Variants in PCDHGA7 observed in about 807,000 individuals in gnomAD.
The protein encoded by PCDHGA7 is protocadherin gamma subfamily A, 7.
PCDHGA7 carries 44 observed loss-of-function variants against 58.3 expected under a neutral mutation model. The ratio of observed to expected loss-of-function variants is 0.75; its 90% CI spans 0.59 to 0.97. The LOEUF is 0.97. PCDHGA7 is among the 50% of genes least tolerant of loss of function. The pLI is 0.00. For missense variants in PCDHGA7, 1,266 were observed against 1,188.7 expected (o/e 1.06, Z -0.96); for synonymous variants, 516 against 504.2 (o/e 1.02, Z -0.31).
At chr5:141,399,833 C>A in intron 1 of PCDHGA7, 1 of 1,613,140 alleles carries the variant, frequency 6.2e-7, no homozygotes, top group Non-Finnish European at 8.5e-7. Context: ...GACGGCTCTG[C>A]GCTCTTCGAT....
rs1411664231 is a variant in PCDHGA7 at position 141,390,362 on chromosome 5, GA to G, written c.2424+5043del. 3.9e-6 allele frequency: 6 copies of G among 1,532,890 alleles called. No individual in the cohort carries two copies. In the African/African-American group the frequency reaches 8.3e-5, roughly 21 times the overall value. 95.0% of individuals were successfully genotyped at this position (1,532,890 alleles called of 1,614,324 possible). ...CACAAGAAAATATACATATTTGCAG[GA>G]AAATATATAATTTTTAGATGTCATG... On this transcript the variant is annotated intron_variant, in intron 1 of 3. Coordinates refer to ENST00000518325, the MANE Select transcript of PCDHGA7 (RefSeq NM_018920.4).
In PCDHGA7 at chr5:141,387,802, G is replaced by A. The variant is rs916959942; in HGVS notation, c.2424+2479G>A. 2.0e-6 allele frequency: 3 copies of A among 1,511,984 alleles called. No homozygotes were observed. The Admixed American group carries it at 7.0e-5, about 35-fold the overall frequency. 93.7% of individuals were successfully genotyped at this position (1,511,984 alleles called of 1,614,324 possible). On this transcript the variant is annotated intron_variant, in intron 1 of 3. Coordinates refer to ENST00000518325, the MANE Select transcript of PCDHGA7 (RefSeq NM_018920.4). ...CTGGAACTGCAACTAAAGTCCGTTC[G>A]GAGATCCAAAAATCTGCAATACAGA...
At position 141,416,345 on chromosome 5, in the gene PCDHGA7, A is replaced by T. The variant is rs542527661; in HGVS notation, c.2424+31022A>T. ...ATTTAACTTTCATTGCTCAATAGGG[A>T]TCCTGAGGAGGCTATAGAGGGTGAA... On this transcript the variant is annotated intron_variant, in intron 1 of 3. Transcript: ENST00000518325. The T allele has an allele frequency of 4.6e-5, 7 of 152,330 alleles. No homozygotes were observed. In the East Asian group the frequency reaches 1.3e-3, roughly 29 times the overall value. The allele number at this position is 152,330 out of a possible 1,614,324, so 9.4% of individuals were successfully genotyped here. A position where few individuals can be genotyped will look rare whatever the true frequency, so the allele number is the denominator to read the frequency against.
chr5:141,444,965 A>C (rs561160996), intron 1 of PCDHGA7, among the ~76,000 whole-genome samples: 18 of 152,234 alleles, frequency 1.2e-4, no homozygotes, highest in South Asian at 6.2e-4. Context: ...CAATATTGAC[A>C]CTTCAAATCC....
intron 1 of PCDHGA7, chr5:141,394,811 C>T (rs1225635250): frequency 6.2e-7 from 1 of 1,613,888 alleles, no homozygotes; most frequent in African/African-American, 1.3e-5. Flanking sequence ...CCGTGGCTGA[C>T]AGCATCCCCG....
In PCDHGA7 at chr5:141,383,896, G is replaced by A; in HGVS notation, c.997G>A (p.Val333Ile). The A allele has an allele frequency of 6.2e-7, 1 of 1,613,960 alleles. No individual in the cohort carries two copies. Among genetic ancestry groups the A allele is most frequent in the Non-Finnish European group, 8.5e-7 (1 of 1,179,884 alleles). Residue 333 changes from valine to isoleucine, a missense_variant, in exon 1 of 4, where the codon GTA becomes ATA. Val to Ile is a conservative substitution (Grantham distance 29). Transcript: ENST00000518325. ...TCCTGGTAGTCTGACAAAGGCAAAA[G>A]TACTGATCACAGTTTTAGATGTAAA... ...DGPGSLTKAK[V>I]LITVLDVNDN...
chr5:141,481,096 T>C (rs1162625304), intron 1 of PCDHGA7, among the ~76,000 whole-genome samples: 2 of 152,150 alleles, frequency 1.3e-5, no homozygotes, highest in East Asian at 1.9e-4. Flanking sequence ...AAAGCAGTAC[T>C]CTGGAACCTA....
intron 1 of PCDHGA7, chr5:141,428,419 CTCTGT>C (rs2097138377): frequency 4.4e-6 from 2 of 451,802 alleles, no homozygotes; most frequent in African/African-American, 2.0e-5. Context: ...TCACCCTGGT[CTCTGT>C]TCTAAGACTA....
chr5:141,420,147 C>T lies in PCDHGA7; in HGVS notation c.2424+34824C>T, dbSNP rs1480828845. On this transcript the variant is annotated intron_variant, in intron 1 of 3. Transcript: ENST00000518325. Reference sequence around the variant, plus strand: ...TGTGTGCCTGGGGATCAAATGAATCCAGAATTTAATTTTTTCACATCTGTT... The same window carrying T: ...TGTGTGCCTGGGGATCAAATGAATCTAGAATTTAATTTTTTCACATCTGTT... The T allele has an allele frequency of 2.5e-6, 4 of 1,613,848 alleles. No individual in the cohort carries two copies. The East Asian group carries it at 8.9e-5, about 36-fold the overall frequency.
At chr5:141,389,172 C>G (rs1276294939) in intron 1 of PCDHGA7, 1 of 1,614,036 alleles carries the variant, frequency 6.2e-7, no homozygotes, top group Non-Finnish European at 8.5e-7. Flanking sequence ...CAAGCCTCCC[C>G]TCTCCTCCAG....
chr5:141,476,317 G>C lies in PCDHGA7; in HGVS notation c.2425-18490G>C, dbSNP rs759809060. The C allele has an allele frequency of 1.2e-6, 2 of 1,614,052 alleles. No homozygotes were observed. The highest frequency in any genetic ancestry group is 2.7e-5 in the African/African-American group (2 of 74,922). ...GTAGCCTCTCAGCCCGCAGGTTCCGGGTGGTGTCTGGAGCTAGCCGAAGAT... is the reference window on the plus strand; with the variant it reads ...GTAGCCTCTCAGCCCGCAGGTTCCGCGTGGTGTCTGGAGCTAGCCGAAGAT... On this transcript the variant is annotated intron_variant, in intron 1 of 3. Coordinates refer to ENST00000518325, the MANE Select transcript of PCDHGA7 (RefSeq NM_018920.4). The surrounding 1 kb of genome is among the most constrained non-coding windows in gnomAD (Gnocchi z 7.6).
chr5:141,417,627 G>C, intron 1 of PCDHGA7: 1 of 694,264 alleles, frequency 1.4e-6, no homozygotes, highest in Non-Finnish European at 2.3e-6. Flanking sequence ...AGCAAGCGCT[G>C]ACGCCGGGGA....
chr5:141,434,509 T>C (rs1480014539), intron 1 of PCDHGA7, among the ~76,000 whole-genome samples: 3 of 152,232 alleles, frequency 2.0e-5, no homozygotes, highest in Non-Finnish European at 4.4e-5. Context: ...AGAAAACTGC[T>C]TAAAGGTGTT....
intron 1 of PCDHGA7, among the ~76,000 whole-genome samples, chr5:141,402,419 A>T: frequency 6.6e-6 from 1 of 152,100 alleles, no homozygotes; most frequent in Middle Eastern, 3.2e-3. Flanking sequence ...ACACAGAAAA[A>T]ATTGAAGCAT....
intron 1 of PCDHGA7, chr5:141,422,231 T>A: frequency 3.2e-6 from 5 of 1,566,292 alleles, no homozygotes; most frequent in Non-Finnish European, 4.3e-6. Context: ...ACGACGATGT[T>A]GATCACTGTT....
rs199952854 is a variant in PCDHGA7 at position 141,477,297 on chromosome 5, G to T, written c.2425-17510G>T. 4 of 1,614,176 alleles carry T rather than the reference G, an allele frequency of 2.5e-6. No individual in the cohort carries two copies. Among genetic ancestry groups the T allele is most frequent in the Non-Finnish European group, 3.4e-6 (4 of 1,180,040 alleles). On this transcript the variant is annotated intron_variant, in intron 1 of 3. Coordinates refer to ENST00000518325, the MANE Select transcript of PCDHGA7 (RefSeq NM_018920.4). The surrounding 1 kb of genome is among the most constrained non-coding windows in gnomAD (Gnocchi z 4.9). ...CTGGTGACCTGCGAAGTTCCACCGGGTCTCCCTTTCAGCCTTACTTCTTCC... is the reference window on the plus strand; with the variant it reads ...CTGGTGACCTGCGAAGTTCCACCGGTTCTCCCTTTCAGCCTTACTTCTTCC...
At chr5:141,386,994 AT>A (rs1291262145) in intron 1 of PCDHGA7, among the ~76,000 whole-genome samples, 1 of 152,224 alleles carries the variant, frequency 6.6e-6, no homozygotes, top group Non-Finnish European at 1.5e-5. Flanking sequence ...GCTATGTATT[AT>A]CCCCCTGATA....
At position 141,384,947 on chromosome 5, in the gene PCDHGA7, G is replaced by A; in HGVS notation, c.2048G>A (p.Gly683Asp). 1 of 1,614,100 alleles carries A rather than the reference G, an allele frequency of 6.2e-7. No individual in the cohort carries two copies. Among genetic ancestry groups the A allele is most frequent in the Non-Finnish European group, 8.5e-7 (1 of 1,180,038 alleles). Residue 683 changes from glycine (G) to aspartate (D), a missense_variant, in exon 1 of 4, where the codon GGT (glycine) becomes GAT (aspartate). Gly to Asp is a moderately conservative substitution (Grantham distance 94). Coordinates refer to ENST00000518325, the MANE Select transcript of PCDHGA7 (RefSeq NM_018920.4). The stretch of plus-strand genomic sequence containing the variant: ...CTGGGCAGCCTTGAGCCCTCCGACG[G>A]TCCTTACAACTATGACCTCACGTTG... ...ADLGSLEPSD[G>D]PYNYDLTLYL...
At chr5:141,457,532 T>C (rs2098923599) in intron 1 of PCDHGA7, among the ~76,000 whole-genome samples, 1 of 152,058 alleles carries the variant, frequency 6.6e-6, no homozygotes, top group Admixed American at 6.6e-5. Flanking sequence ...GAGACTAGGG[T>C]TTAATGACAA....
Sources: allele counts gnomAD v4.1 joint callset (sites outside exome capture counted in the v4.1 genomes callset), GRCh38; gene constraint gnomAD v4.1.1; non-coding constraint Gnocchi (gnomAD v3.1); transcripts MANE v1.5; gene names NCBI Gene and HGNC (gene_info 2026-07-23, HGNC 2026-07-21).